Variants in PIWIL1 observed in about 807,000 individuals in gnomAD.
The protein encoded by PIWIL1 is piwi like RNA-mediated gene silencing 1, also known as piwi-like protein 1.
PIWIL1 carries 73 observed loss-of-function variants against 114.4 expected under a neutral mutation model. The ratio of observed to expected loss-of-function variants is 0.64; its 90% CI spans 0.53 to 0.78. The LOEUF is 0.78. PIWIL1 is among the 30% of genes least tolerant of loss of function. PIWIL1 has a pLI of 0.00. For missense variants in PIWIL1, 723 were observed against 1,063.1 expected, an observed-to-expected ratio of 0.68 and a Z score of 4.45; for synonymous variants, 375 against 369.0, an observed-to-expected ratio of 1.02 and a Z score of -0.19.
chr12:130,394,297 C>CT, the PIWIL1 span, among the ~76,000 whole-genome samples: 2 of 152,216 alleles, frequency 1.3e-5, no homozygotes, highest in African/African-American at 2.4e-5. Flanking sequence ...CAGGAAGGGG[C>CT]TGCGCCAGCT....
the PIWIL1 span, among the ~76,000 whole-genome samples, chr12:130,394,631 C>T: frequency 1.0e-4 from 15 of 150,658 alleles, no homozygotes; most frequent in Non-Finnish European, 1.8e-4. Context: ...AAAAAAGTAC[C>T]GTAGAAATTT....
chr12:130,339,065 G>A (rs1018084915), intron 1 of PIWIL1, among the ~76,000 whole-genome samples: 4 of 152,060 alleles, frequency 2.6e-5, no homozygotes, highest in Non-Finnish European at 5.9e-5. Context: ...CTCTGCGGAG[G>A]GCGAGGGCCC....
chr12:130,397,056 G>A, the PIWIL1 span: 46 of 206,094 alleles, frequency 2.2e-4, no homozygotes, highest in Non-Finnish European at 3.9e-4. Context: ...ACAAAGACTG[G>A]AATTACAGGT....
chr12:130,404,257 TA>T, the PIWIL1 span, among the ~76,000 whole-genome samples: 27 of 152,264 alleles, frequency 1.8e-4, no homozygotes, highest in Admixed American at 1.5e-3. Context: ...GAATATATGC[TA>T]GGGGGAAAAA....
chr12:130,424,604 C>T, the PIWIL1 span: 2 of 1,231,814 alleles, frequency 1.6e-6, no homozygotes, highest in South Asian at 4.1e-5. The surrounding 1 kb of genome is among the most constrained non-coding windows in gnomAD (Gnocchi z 9.8). Context: ...CCCCCGAGCC[C>T]CTGTGCTTCA....
intron 9 of PIWIL1, among the ~76,000 whole-genome samples, chr12:130,352,742 C>G (rs780835736): frequency 1.3e-5 from 2 of 152,068 alleles, no homozygotes; most frequent in Non-Finnish European, 2.9e-5. Context: ...GGGGGCGTAG[C>G]GAGTACAAGT....
chr12:130,392,841 G>A, the PIWIL1 span, among the ~76,000 whole-genome samples: 2 of 65,694 alleles, frequency 3.0e-5, no homozygotes, highest in Admixed American at 1.6e-4. Flanking sequence ...GTGATGACCC[G>A]GTCACCGTCA....
Position 130,346,996 on chromosome 12 carries a change from C to G in PIWIL1, c.587C>G (p.Thr196Ser), listed in dbSNP as rs1356210576. ...GGAGAGGATGTGAGGATAACGATCA[C>G]TTTAACAAATGAACTTCCACCTACA... ...RNGEDVRITITLTNELPPTSP... is the reference protein window; with the variant it reads ...RNGEDVRITISLTNELPPTSP... The change falls in exon 6 of 21, where the codon ACT (threonine) becomes AGT (serine). Residue 196 changes from threonine to serine, a missense_variant. Thr to Ser is a moderately conservative substitution (Grantham distance 58, BLOSUM62 1). Transcript: ENST00000245255. 1 of 1,613,800 alleles carries G rather than the reference C, an allele frequency of 6.2e-7. No homozygotes were observed. The highest frequency in any genetic ancestry group is 1.3e-5 in the African/African-American group (1 of 75,060).
At chr12:130,368,147 GTGT>G (rs2073721069) in intron 19 of PIWIL1, among the ~76,000 whole-genome samples, 1 of 152,266 alleles carries the variant, frequency 6.6e-6, no homozygotes, top group Admixed American at 6.5e-5. Context: ...TTTGTGTGAG[GTGT>G]TGTTAATGCA....
At chr12:130,424,062 A>T in the PIWIL1 span, 1 of 765,868 alleles carries the variant, frequency 1.3e-6, no homozygotes, top group Non-Finnish European at 1.8e-6. This position sits in a 1 kb window ranked among gnomAD's most constrained non-coding sequence, Gnocchi z 9.8. Context: ...GATGGACACC[A>T]GAACAAACAG....
the PIWIL1 span, among the ~76,000 whole-genome samples, chr12:130,389,760 CTCT>C: frequency 1.3e-5 from 2 of 152,104 alleles, no homozygotes; most frequent in African/African-American, 4.8e-5. Flanking sequence ...TACTCTTTAT[CTCT>C]TTTCTTCAGT....
rs1168976268 is a variant in PIWIL1, at chr12:130,347,177, TTC to T, written c.653+119_653+120del. 8 of 768,164 alleles carry T rather than the reference TTC, an allele frequency of 1.0e-5. No individual in the cohort carries two copies. The Admixed American group carries it at 2.0e-4, about 20-fold the overall frequency. The allele number at this position is 768,164 out of a possible 1,614,324, so 47.6% of individuals were successfully genotyped here. On this transcript the variant is annotated intron_variant, in intron 6 of 20. Transcript: ENST00000245255. ...TCAGCATTGGTTGGGATTATTGAGTTTCTCTGTATTGCAGTAACTTAAGGTGT... is the reference window on the plus strand; with the variant it reads ...TCAGCATTGGTTGGGATTATTGAGTTTCTGTATTGCAGTAACTTAAGGTGT...
At position 130,355,148 on chromosome 12, in the gene PIWIL1, T is replaced by G. The variant is rs192119641; in HGVS notation, c.1289+143T>G. On this transcript the variant is annotated intron_variant, in intron 11 of 20. Coordinates refer to ENST00000245255, the MANE Select transcript of PIWIL1 (RefSeq NM_004764.5). ...GTATTTGGGGTGGGCTTGTTCTTCG[T>G]GTTTCTAAGCAAGGCTACCTATACC... is the stretch of plus-strand genomic sequence containing the variant. 7.6e-4 allele frequency: 520 copies of G among 685,714 alleles called. 3 individuals carry two copies. Among genetic ancestry groups the G allele is most frequent in the South Asian group, 1.6e-3 (91 of 56,796 alleles). The allele number at this position is 685,714 out of a possible 1,614,324, so 42.5% of individuals were successfully genotyped here.
chr12:130,407,902 G>A, the PIWIL1 span: 72 of 1,363,888 alleles, frequency 5.3e-5, no homozygotes, highest in East Asian at 1.8e-4. Context: ...CCCTCCTTCC[G>A]GGTCACACAT....
Position 130,347,062 on chromosome 12 carries a change from G to C in PIWIL1, c.653G>C (p.Arg218Thr). The change falls in exon 6 of 21, where the codon AGG becomes ACG. Residue 218 changes from arginine to threonine, a missense_variant and splice_region_variant. Transcript: ENST00000245255. ...CAGTTCTATAATATTATTTTCAGGA[G>C]GTATGTGTTTTATTTCAACATTTTA... ...CLQFYNIIFR[R>T]LLKIMNLQQI... 2 of 1,599,018 alleles carry C rather than the reference G, an allele frequency of 1.3e-6. No homozygotes were observed. Among genetic ancestry groups the C allele is most frequent in the Non-Finnish European group, 1.7e-6 (2 of 1,172,158 alleles).
chr12:130,374,682 A>C (rs2073853147), downstream of PIWIL1, among the ~76,000 whole-genome samples: 1 of 151,804 alleles, frequency 6.6e-6, no homozygotes, highest in Non-Finnish European at 1.5e-5. Flanking sequence ...CAGCCTTCCC[A>C]CTCTCATGCC....
At chr12:130,368,105 G>T (rs11060846) in intron 19 of PIWIL1, among the ~76,000 whole-genome samples, 8,712 of 152,202 alleles carry the variant, frequency 0.057, 614 homozygotes, top group East Asian at 0.39. Context: ...GCCGAAACTT[G>T]TTCCATTTTT....
chr12:130,396,425 C>T, the PIWIL1 span: 1 of 152,646 alleles, frequency 6.6e-6, no homozygotes, highest in East Asian at 1.9e-4. Context: ...TCAAATACAT[C>T]TGCCAGCAAC....
intron 3 of PIWIL1, chr12:130,345,327 C>T (rs189542919): frequency 6.5e-6 from 1 of 153,338 alleles, no homozygotes; most frequent in South Asian, 2.1e-4. Flanking sequence ...TTTAAACCCT[C>T]TAAACCAGCA....
Sources: allele counts gnomAD v4.1 joint callset (sites outside exome capture counted in the v4.1 genomes callset), GRCh38; gene constraint gnomAD v4.1.1; non-coding constraint Gnocchi (gnomAD v3.1); transcripts MANE v1.5; gene names NCBI Gene and HGNC (gene_info 2026-07-23, HGNC 2026-07-21).